Variants in RAPGEF5 observed in about 807,000 individuals in gnomAD.
RAPGEF5 encodes Rap guanine nucleotide exchange factor 5, also known as M-Ras-regulated GEF.
In RAPGEF5, 65 loss-of-function variants were observed where a neutral mutation model predicts 125.2. The ratio of observed to expected loss-of-function variants is 0.52; its 90% CI spans 0.43 to 0.64. The LOEUF (loss-of-function observed/expected upper bound fraction) is 0.64, where lower values mean the gene tolerates loss of function less well. RAPGEF5 is among the 30% of genes least tolerant of loss of function. The pLI, the probability that RAPGEF5 is intolerant of heterozygous loss-of-function variation, is 0.00. For missense variants in RAPGEF5, 958 were observed against 1,048.1 expected (o/e 0.91, Z 1.19); for synonymous variants, 391 against 385.9 (o/e 1.01, Z -0.16).
chr7:22,351,412 G>A (rs1583598505), intron 1 of RAPGEF5, among the ~76,000 whole-genome samples: 1 of 152,182 alleles, frequency 6.6e-6, no homozygotes, highest in South Asian at 2.1e-4. Flanking sequence ...TCACAGTTTA[G>A]AGTAAATAGA....
chr7:22,218,735 C>T (rs1785702235), intron 9 of RAPGEF5, among the ~76,000 whole-genome samples: 1 of 152,164 alleles, frequency 6.6e-6, no homozygotes, highest in Non-Finnish European at 1.5e-5. Flanking sequence ...GAACAAGGTG[C>T]TAAAGTTTTC....
intron 1 of RAPGEF5, among the ~76,000 whole-genome samples, chr7:22,323,011 T>C (rs1480463184): frequency 2.0e-5 from 3 of 152,172 alleles, no homozygotes; most frequent in African/African-American, 4.8e-5. Context: ...CATTTACCAA[T>C]AGCATGGGGA....
At chr7:22,145,244 C>T (rs1404494571) in intron 19 of RAPGEF5, 22 bp from the exon 20 acceptor site, 3 of 1,590,374 alleles carry the variant, frequency 1.9e-6, no homozygotes, top group Non-Finnish European at 2.6e-6. Flanking sequence ...TGTATTCATG[C>T]CAGGGTTTAT....
chr7:22,294,703 C>T (rs1783018717), intron 5 of RAPGEF5, among the ~76,000 whole-genome samples: 1 of 152,148 alleles, frequency 6.6e-6, no homozygotes, highest in African/African-American at 2.4e-5. Flanking sequence ...ATCCTACTGG[C>T]TCTTCAAGAC....
At chr7:22,147,615 C>T (rs977281544) in intron 18 of RAPGEF5, among the ~76,000 whole-genome samples, 2 of 152,044 alleles carry the variant, frequency 1.3e-5, no homozygotes, top group Admixed American at 6.6e-5. Context: ...GCTTTCCCTA[C>T]GTAAATAGGG....
intron 7 of RAPGEF5, among the ~76,000 whole-genome samples, chr7:22,254,082 G>A (rs1786689094): frequency 1.3e-5 from 2 of 151,940 alleles, no homozygotes; most frequent in African/African-American, 4.8e-5. Flanking sequence ...CTTGTCTTTG[G>A]AATATTCTGC....
intron 11 of RAPGEF5, chr7:22,193,095 T>A: frequency 1.9e-6 from 1 of 523,658 alleles, no homozygotes; most frequent in Non-Finnish European, 3.4e-6. Flanking sequence ...TGCCTTTAGG[T>A]GAGATTTGGG....
At chr7:22,194,809 G>A in intron 9 of RAPGEF5, 2 of 970,380 alleles carry the variant, frequency 2.1e-6, no homozygotes, top group Non-Finnish European at 2.5e-6. Flanking sequence ...CAGAGTGAGT[G>A]TGGCCCGCTG....
rs539584702 is a variant in RAPGEF5, at chr7:22,273,364, G to T, written c.748-6352C>A. On this transcript the variant is annotated intron_variant, in intron 6 of 25. Transcript: ENST00000665637. ...CTCCTGAGTAGCTGGGACTACAGGC[G>T]CCCACCACCGCGCCCGGCTAATTTT... 6.6e-5 allele frequency among the ~76,000 whole-genome samples: 10 copies of T among 151,930 alleles called. No homozygotes were observed. In the East Asian group the frequency reaches 1.2e-3, roughly 18 times the overall value.
intron 23 of RAPGEF5, 75 bp downstream of exon 23, chr7:22,135,963 T>A (rs1783066371): frequency 8.4e-7 from 1 of 1,197,078 alleles, no homozygotes; most frequent in Admixed American, 2.3e-5. Flanking sequence ...AGAGTCCCTT[T>A]TTTGCCCTCA....
At chr7:22,134,565 T>C (rs192891900) in intron 23 of RAPGEF5, among the ~76,000 whole-genome samples, 1 of 152,222 alleles carries the variant, frequency 6.6e-6, no homozygotes, top group Non-Finnish European at 1.5e-5. Flanking sequence ...TCATATCTAA[T>C]TAAGTTAAAG....
At chr7:22,308,282 C>A in intron 5 of RAPGEF5, 57 bp downstream of exon 5, 2 of 1,471,316 alleles carry the variant, frequency 1.4e-6, no homozygotes, top group Non-Finnish European at 1.8e-6. Context: ...AGTCCCTAGA[C>A]ATGGTAAATG....
At chr7:22,162,223 A>T (rs1310694947) in intron 13 of RAPGEF5, among the ~76,000 whole-genome samples, 174 bp downstream of exon 13, 1 of 151,942 alleles carries the variant, frequency 6.6e-6, no homozygotes, top group Non-Finnish European at 1.5e-5. Context: ...GACTTTTTAG[A>T]TAGAGAATAT....
chr7:22,262,034 G>A (rs575632647), intron 7 of RAPGEF5, among the ~76,000 whole-genome samples: 3 of 152,076 alleles, frequency 2.0e-5, no homozygotes, highest in African/African-American at 2.4e-5. Flanking sequence ...AGCATTAAAA[G>A]ACTCATTAAA....
At chr7:22,141,398 A>T (rs1783256089) in intron 20 of RAPGEF5, among the ~76,000 whole-genome samples, 1 of 152,238 alleles carries the variant, frequency 6.6e-6, no homozygotes, top group East Asian at 1.9e-4. Flanking sequence ...AGCTGCATAC[A>T]TAGTGTATGA....
At chr7:22,153,106 A>T (rs1226770619) in intron 17 of RAPGEF5, among the ~76,000 whole-genome samples, 5 of 152,190 alleles carry the variant, frequency 3.3e-5, no homozygotes, top group Non-Finnish European at 7.3e-5. Context: ...GTCAGCTCCC[A>T]AAGGAGACGG....
chr7:22,317,973 GA>G lies in RAPGEF5; in HGVS notation c.282+13del. The G allele has an allele frequency of 6.5e-7, 1 of 1,548,278 alleles. No homozygotes were observed. Among genetic ancestry groups the G allele is most frequent in the Non-Finnish European group, 8.7e-7 (1 of 1,146,402 alleles). ...CTATTTCAGAAAAGGCAGTAAAAGAGAAAGGAATCATACCTGGGAAGGCGTA... is the reference window on the plus strand; with the variant it reads ...CTATTTCAGAAAAGGCAGTAAAAGAGAAGGAATCATACCTGGGAAGGCGTA... On this transcript the variant is annotated intron_variant, in intron 2 of 25. Coordinates refer to ENST00000665637, the MANE Select transcript of RAPGEF5 (RefSeq NM_012294.5).
chr7:22,139,694 T>G (rs1236619576), intron 21 of RAPGEF5: 1 of 190,932 alleles, frequency 5.2e-6, no homozygotes, highest in South Asian at 1.7e-4. Flanking sequence ...GTGAGAGGCC[T>G]CGAAGCTTAA....
At position 22,211,963 on chromosome 7, in the gene RAPGEF5, C is replaced by CT. The variant is rs749576250; in HGVS notation, c.996+7902dup. ...CCCCTTGTGTTATCACATGTGTTCT[C>CT]TTTTTTTTTTTTTTTTTTTTTTAGA... On this transcript the variant is annotated intron_variant, in intron 9 of 25. Transcript: ENST00000665637. Among the ~76,000 whole-genome samples, 267 of 114,322 alleles carry CT rather than the reference C, an allele frequency of 2.3e-3. 3 individuals carry two copies. The highest frequency in any genetic ancestry group is 4.9e-3 in the African/African-American group (144 of 29,448). The allele number at this position is 114,322 out of a possible 152,430, so 75.0% of individuals were successfully genotyped here. A position where few individuals can be genotyped will look rare whatever the true frequency, so the allele number is the denominator to read the frequency against.
Sources: allele counts gnomAD v4.1 joint callset (sites outside exome capture counted in the v4.1 genomes callset), GRCh38; gene constraint gnomAD v4.1.1; transcripts MANE v1.5; gene names NCBI Gene and HGNC (gene_info 2026-07-23, HGNC 2026-07-21).